CPED1: variants seen among roughly 807,000 people sequenced by gnomAD.
CPED1 encodes the protein cadherin-like and PC-esterase domain-containing protein 1.
CPED1 carries 114 observed loss-of-function variants against 128.2 expected under a neutral mutation model. The observed-to-expected ratio is 0.89, with a 90% CI of 0.76 to 1.04. The LOEUF (loss-of-function observed/expected upper bound fraction) is 1.04. Among genes scored for constraint, CPED1 ranks in the 50% least tolerant of loss-of-function variants. CPED1 has a pLI of 0.00. For missense variants in CPED1, 1,211 were observed against 1,207.1 expected (o/e 1.00, Z -0.05); for synonymous variants, 462 against 426.7 (o/e 1.08, Z -1.02).
chr7:121,109,372 C>T (rs1399863734), intron 7 of CPED1, among the ~76,000 whole-genome samples: 1 of 152,132 alleles, frequency 6.6e-6, no homozygotes, highest in Non-Finnish European at 1.5e-5. Flanking sequence ...TGTCTCAAAA[C>T]AATTTGTCCT....
At chr7:121,062,010 T>C (rs1436275739) in intron 4 of CPED1, among the ~76,000 whole-genome samples, 1 of 152,208 alleles carries the variant, frequency 6.6e-6, no homozygotes, top group Non-Finnish European at 1.5e-5. Flanking sequence ...GCCACACTAT[T>C]AATTCTAAAG....
intron 3 of CPED1, among the ~76,000 whole-genome samples, chr7:121,038,087 C>T (rs775400540): frequency 5.9e-5 from 9 of 152,040 alleles, no homozygotes; most frequent in Admixed American, 2.0e-4. Flanking sequence ...CAGCAAGCAG[C>T]GACAGTTTGA....
chr7:121,010,540 C>A (rs539914962), intron 2 of CPED1, among the ~76,000 whole-genome samples: 1 of 152,158 alleles, frequency 6.6e-6, no homozygotes, highest in African/African-American at 2.4e-5. Context: ...TGAGCCACCA[C>A]GCCCTGCAGG....
chr7:121,202,755 A>G (rs1797426914), intron 16 of CPED1, among the ~76,000 whole-genome samples: 1 of 152,120 alleles, frequency 6.6e-6, no homozygotes, highest in Non-Finnish European at 1.5e-5. Flanking sequence ...GTATTTGTTG[A>G]GTAAATTAAT....
chr7:121,017,943 C>G (rs1792341840), intron 3 of CPED1, among the ~76,000 whole-genome samples: 1 of 152,112 alleles, frequency 6.6e-6, no homozygotes. Context: ...TCCCACATTC[C>G]CACAGCTTTT....
intron 22 of CPED1, among the ~76,000 whole-genome samples, chr7:121,278,549 C>T (rs1172306030): frequency 2.0e-5 from 3 of 152,128 alleles, no homozygotes; most frequent in Non-Finnish European, 4.4e-5. Context: ...TTCCTACACT[C>T]CTTTTTTAGA....
At chr7:121,258,195 T>A (rs1791928237) in intron 18 of CPED1, among the ~76,000 whole-genome samples, 2 of 152,120 alleles carry the variant, frequency 1.3e-5, no homozygotes, top group South Asian at 4.1e-4. Flanking sequence ...GCTGAACACT[T>A]AAAAAGTTAA....
At chr7:120,995,049 C>A (rs1796373645) in intron 2 of CPED1, among the ~76,000 whole-genome samples, 3 of 152,158 alleles carry the variant, frequency 2.0e-5, no homozygotes, top group Admixed American at 2.0e-4. Flanking sequence ...TTTCCTCCTG[C>A]CAGCGAACAT....
At chr7:121,291,254 T>G (rs914064638) in intron 22 of CPED1, among the ~76,000 whole-genome samples, 2 of 152,244 alleles carry the variant, frequency 1.3e-5, no homozygotes, top group African/African-American at 2.4e-5. Context: ...CCAGCTTTGT[T>G]CTTTTTGCTT....
chr7:120,994,393 T>C (rs1009409736), intron 2 of CPED1, among the ~76,000 whole-genome samples: 2 of 152,224 alleles, frequency 1.3e-5, no homozygotes, highest in Non-Finnish European at 2.9e-5. Context: ...TGTATTAGCC[T>C]CTTTATGAGA....
chr7:121,154,759 T>C (rs1477526320), intron 16 of CPED1, among the ~76,000 whole-genome samples: 1 of 152,140 alleles, frequency 6.6e-6, no homozygotes, highest in Admixed American at 6.5e-5. Flanking sequence ...TTGGCCAGGA[T>C]GGTCTCGATC....
chr7:121,250,020 T>A (rs978384755), intron 18 of CPED1, among the ~76,000 whole-genome samples: 2 of 152,166 alleles, frequency 1.3e-5, no homozygotes, highest in Non-Finnish European at 2.9e-5. Flanking sequence ...GAATATACAT[T>A]CTTTTCAGCA....
chr7:121,162,891 C>G (rs1216487976), intron 16 of CPED1, among the ~76,000 whole-genome samples: 2 of 152,224 alleles, frequency 1.3e-5, no homozygotes, highest in Admixed American at 6.5e-5. Flanking sequence ...TTGTACCCAA[C>G]TACTTACTAC....
chr7:121,133,670 T>G (rs913639071), intron 12 of CPED1, among the ~76,000 whole-genome samples, 153 bp from the exon 13 acceptor site: 1 of 152,098 alleles, frequency 6.6e-6, no homozygotes, highest in African/African-American at 2.4e-5. Flanking sequence ...TGAGGGTAGA[T>G]TGCCAGTTTT....
chr7:120,989,493 C>A lies in CPED1; in HGVS notation c.-129C>A. 1.6e-6 allele frequency: 2 copies of A among 1,231,954 alleles called. No individual in the cohort carries two copies. Among genetic ancestry groups the A allele is most frequent in the Non-Finnish European group, 2.3e-6 (2 of 881,436 alleles). 76.3% of individuals were successfully genotyped at this position (1,231,954 alleles called of 1,614,324 possible). A position where few individuals can be genotyped will look rare whatever the true frequency, so the allele number is the denominator to read the frequency against. On this transcript the variant is annotated 5_prime_UTR_variant, in exon 2 of 23. Coordinates refer to ENST00000310396, the MANE Select transcript of CPED1 (RefSeq NM_024913.5). ...CACAACCTTTTGGAAAATTCTTAAG[C>A]AGGGATGAAGCAAACTTGATTGGAG...
rs798949 is a variant in CPED1 at position 121,125,900 on chromosome 7, T to A, written c.1134+8T>A. The A allele has an allele frequency of 1.9e-6, 3 of 1,594,464 alleles. No individual in the cohort carries two copies. In the African/African-American group the frequency reaches 4.0e-5, roughly 21 times the overall value. On this transcript the variant is annotated splice_region_variant and intron_variant, in intron 9 of 22. Transcript: ENST00000310396. ...TACCCTGTAGTGCTCCAGGTCAGTA[T>A]GCCAAAGGCCTCATGTGAGCTTCTA...
intron 7 of CPED1, among the ~76,000 whole-genome samples, chr7:121,104,531 T>G (rs181799302): frequency 1.3e-5 from 2 of 152,284 alleles, no homozygotes; most frequent in Admixed American, 1.3e-4. Flanking sequence ...CTGACCATAT[T>G]TGACTATTTT....
chr7:121,134,811 C>T (rs1795749853), intron 13 of CPED1, among the ~76,000 whole-genome samples: 1 of 151,838 alleles, frequency 6.6e-6, no homozygotes, highest in Non-Finnish European at 1.5e-5. Flanking sequence ...ATTAGAACAA[C>T]CTCTATTAAG....
In CPED1 at chr7:121,295,666, G is replaced by C. The variant is rs370855958; in HGVS notation, c.*14G>C. Reference sequence around the variant, plus strand: ...AGGACTATGTAGGCTCCCTGCAGGAGAGCTGAATCTGGAGCTGGAGACGAG... The same window carrying C: ...AGGACTATGTAGGCTCCCTGCAGGACAGCTGAATCTGGAGCTGGAGACGAG... On this transcript the variant is annotated 3_prime_UTR_variant, in exon 23 of 23. Coordinates refer to ENST00000310396, the MANE Select transcript of CPED1 (RefSeq NM_024913.5). 2.5e-6 allele frequency: 4 copies of C among 1,609,292 alleles called. No individual in the cohort carries two copies. Among genetic ancestry groups the C allele is most frequent in the Non-Finnish European group, 3.4e-6 (4 of 1,176,292 alleles).
Sources: allele counts gnomAD v4.1 joint callset (sites outside exome capture counted in the v4.1 genomes callset), GRCh38; gene constraint gnomAD v4.1.1; transcripts MANE v1.5; gene names NCBI Gene and HGNC (gene_info 2026-07-23, HGNC 2026-07-21).